The following KCTD16 variants were observed in gnomAD, a reference collection of about 807,000 sequenced individuals.
KCTD16 encodes the protein potassium channel tetramerization domain containing 16.
A neutral mutation model predicts 33.2 loss-of-function variants in KCTD16; 13 were observed. The observed-to-expected ratio is 0.39, with a 90% confidence interval of 0.25 to 0.62. The LOEUF is 0.62. Ranked by LOEUF, KCTD16 falls within the 20% of genes least tolerant of loss-of-function variation. KCTD16 has a pLI of 0.50. For synonymous variants in KCTD16, 197 were observed against 195.3 expected, an observed-to-expected ratio of 1.01 and a Z score of -0.07; for missense variants, 441 against 525.1, an observed-to-expected ratio of 0.84 and a Z score of 1.57.
chr5:144,445,326 C>A (rs1580970852), intron 3 of KCTD16, among the ~76,000 whole-genome samples: 1 of 151,998 alleles, frequency 6.6e-6, no homozygotes, highest in African/African-American at 2.4e-5. Flanking sequence ...TTGTGTTGCT[C>A]TTCCATGTTT....
At chr5:144,316,168 C>T (rs1311134245) in intron 3 of KCTD16, among the ~76,000 whole-genome samples, 1 of 152,136 alleles carries the variant, frequency 6.6e-6, no homozygotes, top group Non-Finnish European at 1.5e-5. Flanking sequence ...TCAAAATCCA[C>T]AGACTCCTGG....
chr5:144,283,421 A>G (rs1009833529), intron 3 of KCTD16, among the ~76,000 whole-genome samples: 1 of 152,210 alleles, frequency 6.6e-6, no homozygotes, highest in Non-Finnish European at 1.5e-5. Flanking sequence ...TGGAATAATC[A>G]TTTCATAAAC....
At chr5:144,184,327 A>G (rs867099415) in intron 2 of KCTD16, among the ~76,000 whole-genome samples, 1 of 152,126 alleles carries the variant, frequency 6.6e-6, no homozygotes, top group Non-Finnish European at 1.5e-5. Context: ...TATTCTTTTT[A>G]TGACTGGCTT....
chr5:144,298,246 C>T (rs549556678), intron 3 of KCTD16, among the ~76,000 whole-genome samples: 5 of 152,152 alleles, frequency 3.3e-5, no homozygotes, highest in Admixed American at 1.3e-4. Context: ...TCAGAGAACA[C>T]GAGGCTTGCG....
intron 3 of KCTD16, among the ~76,000 whole-genome samples, chr5:144,417,786 A>C (rs931125236): frequency 7.2e-5 from 11 of 152,124 alleles, no homozygotes; most frequent in African/African-American, 2.7e-4. Flanking sequence ...GTTGTAAAGT[A>C]GGGCTCCAAC....
At chr5:144,396,934 T>A (rs373270264) in intron 3 of KCTD16, among the ~76,000 whole-genome samples, 3 of 126,856 alleles carry the variant, frequency 2.4e-5, no homozygotes, top group African/African-American at 6.3e-5. Context: ...ATATATATAT[T>A]TTATTATACT....
At chr5:144,309,896 T>A (rs1361967509) in intron 3 of KCTD16, among the ~76,000 whole-genome samples, 1 of 152,144 alleles carries the variant, frequency 6.6e-6, no homozygotes, top group Non-Finnish European at 1.5e-5. Context: ...AAAATTTGTA[T>A]ACGGTGCAGT....
intron 3 of KCTD16, among the ~76,000 whole-genome samples, chr5:144,345,954 ATT>A (rs35514283): frequency 1.1e-4 from 16 of 140,688 alleles, no homozygotes; most frequent in African/African-American, 2.6e-4. Context: ...TATTCATTCT[ATT>A]TTTTTTTTTT....
intron 3 of KCTD16, among the ~76,000 whole-genome samples, chr5:144,414,124 T>C (rs1195250579): frequency 6.6e-6 from 1 of 152,214 alleles, no homozygotes; most frequent in Non-Finnish European, 1.5e-5. Context: ...GTTAGATAAG[T>C]AAATATTCAG....
At chr5:144,353,797 C>T (rs143600570) in intron 3 of KCTD16, among the ~76,000 whole-genome samples, 6 of 152,236 alleles carry the variant, frequency 3.9e-5, no homozygotes, top group African/African-American at 1.4e-4. Flanking sequence ...GGTAGATACA[C>T]ATTCCTGAGA....
At chr5:144,400,290 T>C (rs936200172) in intron 3 of KCTD16, among the ~76,000 whole-genome samples, 1 of 152,060 alleles carries the variant, frequency 6.6e-6, no homozygotes, top group African/African-American at 2.4e-5. Context: ...AGGTATGATA[T>C]CTCTACCAGT....
chr5:144,474,055 C>G lies in KCTD16; in HGVS notation c.1228C>G (p.Arg410Gly). 6.2e-7 allele frequency: 1 copy of G among 1,613,386 alleles called. No homozygotes were observed. The highest frequency in any genetic ancestry group is 8.5e-7 in the Non-Finnish European group (1 of 1,179,836). The stretch of plus-strand genomic sequence containing the variant: ...TTTCCTAAAAATCAAAATTCCAGAT[C>G]GGTTTCCTGAGAGAAAACATCCTTG... ...QDFLKIKIPDRFPERKHPWQS... is the reference protein window; with the variant it reads ...QDFLKIKIPDGFPERKHPWQS... The change falls in exon 4 of 4, where the codon CGG becomes GGG. Residue 410 changes from arginine (R) to glycine (G), a missense_variant. Around this residue, in one of 3 missense-constraint regions of KCTD16, gnomAD observed 355 missense variants for 413.0 expected, o/e 0.86. Transcript: ENST00000512467.
At chr5:144,411,497 C>A (rs192844985) in intron 3 of KCTD16, among the ~76,000 whole-genome samples, 2 of 152,174 alleles carry the variant, frequency 1.3e-5, no homozygotes, top group East Asian at 3.9e-4. Flanking sequence ...AAGAATGAAA[C>A]GAGTCTTCTC....
Position 144,452,146 on chromosome 5 carries a change from T to TTATATATATATATATATATATATATATA in KCTD16, c.833-21495_833-21494insATATATATATATATATATATATATATAT, listed in dbSNP as rs140891816. On this transcript the variant is annotated intron_variant, in intron 3 of 3. Coordinates refer to ENST00000512467, the MANE Select transcript of KCTD16 (RefSeq NM_020768.4). ...CAAAACACATTAAATATATATAATA[T>TTATATATATATATATATATATATATATA]TATATATATATATATATATTCCTGT... 5.0e-4 allele frequency among the ~76,000 whole-genome samples: 69 copies of TTATATATATATATATATATATATATATA among 138,144 alleles called. 1 individual carries two copies. The highest frequency in any genetic ancestry group is 2.0e-3 in the African/African-American group (67 of 33,804). The allele number at this position is 138,144 out of a possible 152,430, so 90.6% of individuals were successfully genotyped here. A position where few individuals can be genotyped will look rare whatever the true frequency, so the allele number is the denominator to read the frequency against.
intron 3 of KCTD16, among the ~76,000 whole-genome samples, chr5:144,213,466 A>C (rs558295426): frequency 6.7e-6 from 1 of 150,072 alleles, no homozygotes; most frequent in East Asian, 2.0e-4. Flanking sequence ...TTGTTTCATG[A>C]AATCAAGTTG....
At chr5:144,444,843 A>G (rs1475969795) in intron 3 of KCTD16, among the ~76,000 whole-genome samples, 1 of 148,904 alleles carries the variant, frequency 6.7e-6, no homozygotes, top group Non-Finnish European at 1.5e-5. Flanking sequence ...AAAATGTAAT[A>G]TATATATATA....
intron 3 of KCTD16, among the ~76,000 whole-genome samples, chr5:144,290,587 C>G (rs1755869031): frequency 6.6e-6 from 1 of 152,074 alleles, no homozygotes; most frequent in Non-Finnish European, 1.5e-5. Flanking sequence ...TTTAAAGATC[C>G]CTTGCTCTTC....
chr5:144,432,398 A>G lies in KCTD16; in HGVS notation c.833-41262A>G, dbSNP rs993771479. Among the ~76,000 whole-genome samples, 13 of 152,210 alleles carry G rather than the reference A, an allele frequency of 8.5e-5. No homozygotes were observed. The East Asian group carries it at 2.3e-3, about 27-fold the overall frequency. The stretch of plus-strand genomic sequence containing the variant: ...ATAGATGAAGAAACAGATTCAGAGA[A>G]GTAAATTTCTCAAAGTCATCTAGCT... On this transcript the variant is annotated intron_variant, in intron 3 of 3. Transcript: ENST00000512467.
chr5:144,417,549 A>G (rs1353296637), intron 3 of KCTD16, among the ~76,000 whole-genome samples: 3 of 152,180 alleles, frequency 2.0e-5, no homozygotes, highest in Non-Finnish European at 4.4e-5. Flanking sequence ...ATTTTCTCCC[A>G]TTCTGTAAAT....
Sources: allele counts gnomAD v4.1 joint callset (sites outside exome capture counted in the v4.1 genomes callset), GRCh38; gene constraint gnomAD v4.1.1; regional missense constraint gnomAD v4.1.1; transcripts MANE v1.5; gene names NCBI Gene and HGNC (gene_info 2026-07-23, HGNC 2026-07-21).